Variants in GLCE observed in about 807,000 individuals in gnomAD.
GLCE encodes D-glucuronyl C5-epimerase.
In GLCE, 19 loss-of-function variants were observed where a neutral mutation model predicts 47.9. The observed-to-expected ratio is 0.40, with a 90% CI of 0.28 to 0.58. The LOEUF is 0.58. Among genes scored for constraint, GLCE ranks in the 20% least tolerant of loss-of-function variants. GLCE has a pLI of 0.48. For synonymous variants in GLCE, 245 were observed against 263.4 expected (o/e 0.93, Z 0.68); for missense variants, 556 against 743.3 (o/e 0.75, Z 2.93).
At chr15:69,231,530 G>GCCTCA (rs2052521568) in intron 2 of GLCE, among the ~76,000 whole-genome samples, 1 of 151,988 alleles carries the variant, frequency 6.6e-6, no homozygotes, top group Non-Finnish European at 1.5e-5. Flanking sequence ...TGATCCGCCT[G>GCCTCA]CCTCAGCCTC....
chr15:69,225,879 C>G (rs2052438962), intron 2 of GLCE, among the ~76,000 whole-genome samples: 1 of 152,020 alleles, frequency 6.6e-6, no homozygotes, highest in South Asian at 2.1e-4. Flanking sequence ...GTGATAGAGC[C>G]AGGATTCAAA....
At chr15:69,162,739 A>G (rs1234264247) in intron 1 of GLCE, among the ~76,000 whole-genome samples, 1 of 152,060 alleles carries the variant, frequency 6.6e-6, no homozygotes, top group African/African-American at 2.4e-5. Context: ...CGCCTCACTA[A>G]TTTTATTTAT....
intron 1 of GLCE, among the ~76,000 whole-genome samples, chr15:69,209,669 A>G (rs1595756657): frequency 1.3e-5 from 2 of 152,004 alleles, no homozygotes; most frequent in East Asian, 3.9e-4. Context: ...TTGCTCTCCC[A>G]TGTTCCTTGT....
At position 69,269,650 on chromosome 15, in the gene GLCE, G is replaced by A. The variant is rs571352887; in HGVS notation, c.*406G>A. ...GATTATTTATATTTATGTTGAAAGC[G>A]GACTTTAAAAAAAATAATGTGCTGT... On this transcript the variant is annotated 3_prime_UTR_variant, in exon 5 of 5. Coordinates refer to ENST00000261858, the MANE Select transcript of GLCE (RefSeq NM_015554.3). 9.3e-5 allele frequency: 15 copies of A among 161,334 alleles called. No homozygotes were observed. The South Asian group carries it at 1.4e-3, about 15-fold the overall frequency. 10.0% of individuals were successfully genotyped at this position (161,334 alleles called of 1,614,324 possible). A position where few individuals can be genotyped will look rare whatever the true frequency, so the allele number is the denominator to read the frequency against.
chr15:69,176,072 T>A (rs1371750880), intron 1 of GLCE, among the ~76,000 whole-genome samples: 1 of 152,124 alleles, frequency 6.6e-6, no homozygotes, highest in African/African-American at 2.4e-5. Flanking sequence ...TAATGGTATA[T>A]CTCTCAAATA....
At position 69,261,177 on chromosome 15, in the gene GLCE, T is replaced by TAAC. The variant is rs1162242782; in HGVS notation, c.678_680dup (p.Thr227dup). 6.8e-6 allele frequency: 11 copies of TAAC among 1,613,926 alleles called. No individual in the cohort carries two copies. Among genetic ancestry groups the TAAC allele is most frequent in the Non-Finnish European group, 8.5e-6 (10 of 1,179,942 alleles). On this transcript the variant is annotated inframe_insertion, in exon 4 of 5. Coordinates refer to ENST00000261858, the MANE Select transcript of GLCE (RefSeq NM_015554.3). Reference sequence around the variant, plus strand: ...GGATTAAGTCATTACAGCAAGAATCTAACTGAGAAACCTCCTCACATAGAG... The same window carrying TAAC: ...GGATTAAGTCATTACAGCAAGAATCTAACAACTGAGAAACCTCCTCACATAGAG...
chr15:69,248,510 G>GTGCT (rs779225378), intron 2 of GLCE, among the ~76,000 whole-genome samples: 50 of 152,240 alleles, frequency 3.3e-4, no homozygotes, highest in African/African-American at 1.0e-3. Context: ...TATAGGCCAA[G>GTGCT]TGCTTGCTTG....
At chr15:69,225,172 C>CTTT (rs35793132) in intron 2 of GLCE, among the ~76,000 whole-genome samples, 2 of 148,774 alleles carry the variant, frequency 1.3e-5, no homozygotes, top group African/African-American at 2.5e-5. Context: ...TATTTTAAAG[C>CTTT]TTTTTTTTTT....
intron 1 of GLCE, among the ~76,000 whole-genome samples, chr15:69,176,415 G>T (rs1377349243): frequency 2.0e-5 from 3 of 151,274 alleles, no homozygotes; most frequent in Non-Finnish European, 4.4e-5. Context: ...GTAGAGACAG[G>T]GTTTCACCAT....
intron 3 of GLCE, 45 bp from the exon 4 acceptor site, chr15:69,261,042 G>A (rs1373794843): frequency 1.9e-5 from 30 of 1,566,834 alleles, no homozygotes; most frequent in Non-Finnish European, 2.5e-5. Context: ...GAATAGGCTT[G>A]TAATGTCTGG....
At chr15:69,201,039 G>A (rs1256600242) in intron 1 of GLCE, among the ~76,000 whole-genome samples, 1 of 152,020 alleles carries the variant, frequency 6.6e-6, no homozygotes, top group Non-Finnish European at 1.5e-5. Context: ...CAGTAACAAA[G>A]GTCAAGTCCC....
At chr15:69,248,748 G>A (rs566903082) in intron 2 of GLCE, among the ~76,000 whole-genome samples, 2 of 151,948 alleles carry the variant, frequency 1.3e-5, no homozygotes, top group African/African-American at 2.4e-5. Flanking sequence ...CAACAGGTGC[G>A]CACCACCACG....
intron 1 of GLCE, among the ~76,000 whole-genome samples, chr15:69,164,125 C>CTTTTTTTTTTTTTTTTTTTTTTTTTTTT (rs1312041167): frequency 6.6e-6 from 1 of 151,874 alleles, no homozygotes; most frequent in Non-Finnish European, 1.5e-5. Flanking sequence ...AATAGGTATT[C>CTTTTTTTTTTTTTTTTTTTTTTTTTTTT]TTATTGTGGT....
At chr15:69,187,083 T>TA (rs1056720606) in intron 1 of GLCE, among the ~76,000 whole-genome samples, 5 of 152,212 alleles carry the variant, frequency 3.3e-5, no homozygotes, top group African/African-American at 9.6e-5. Flanking sequence ...TGTCTTAGGT[T>TA]AATGTTCATG....
intron 1 of GLCE, among the ~76,000 whole-genome samples, chr15:69,187,523 CCTT>C (rs1307694151): frequency 2.1e-4 from 32 of 152,126 alleles, no homozygotes; most frequent in African/African-American, 7.5e-4. Flanking sequence ...CCTGCTTTCT[CCTT>C]CCCTTTTACC....
At chr15:69,188,530 C>T (rs12904916) in intron 1 of GLCE, among the ~76,000 whole-genome samples, 151,596 of 152,326 alleles carry the variant, frequency 1, 75,440 homozygotes, top group East Asian at 1. Flanking sequence ...GTGAAGTCAG[C>T]TGGACCTGGA....
intron 1 of GLCE, among the ~76,000 whole-genome samples, chr15:69,179,090 CAT>C (rs1489725809): frequency 2.0e-5 from 3 of 152,132 alleles, no homozygotes; most frequent in African/African-American, 4.8e-5. Flanking sequence ...CATTAATAAA[CAT>C]ATTTTGCTTC....
At chr15:69,195,574 A>G (rs2051975741) in intron 1 of GLCE, among the ~76,000 whole-genome samples, 1 of 152,172 alleles carries the variant, frequency 6.6e-6, no homozygotes, top group Non-Finnish European at 1.5e-5. Context: ...TAGATTATCC[A>G]TGGAAAACTA....
In GLCE at chr15:69,245,280, C is replaced by G. The variant is rs146795686; in HGVS notation, c.-13-10514C>G. Among the ~76,000 whole-genome samples the G allele has an allele frequency of 1.9e-3, 289 of 148,650 alleles. 3 individuals are homozygous for G. Among genetic ancestry groups the G allele is most frequent in the African/African-American group, 6.6e-3 (262 of 39,924 alleles). ...CCCCGGAGTTAGAGGTTTCAGTGAG[C>G]CGAGATCACATCACTGCACTCCAGC... On this transcript the variant is annotated intron_variant, in intron 2 of 4. Transcript: ENST00000261858.
Sources: gnomAD v4.1 joint callset for allele counts (sites outside exome capture counted in the v4.1 genomes callset) on GRCh38, gnomAD v4.1.1 for gene constraint, MANE v1.5 for transcripts, NCBI Gene and HGNC (gene_info 2026-07-23, HGNC 2026-07-21) for gene names.